The following MAP4K5 variants were observed in gnomAD, a reference collection of about 807,000 sequenced individuals.
The protein encoded by MAP4K5 is mitogen-activated protein kinase kinase kinase kinase 5.
A neutral mutation model predicts 135.6 loss-of-function variants in MAP4K5; 82 were observed. The observed-to-expected ratio is 0.60, with a 90% CI of 0.51 to 0.73. MAP4K5 has a LOEUF of 0.73. Ranked by LOEUF, MAP4K5 falls within the 30% of genes least tolerant of loss-of-function variation. The probability of loss-of-function intolerance (pLI) is 0.00; values close to 1 mark genes in which losing one functional copy is unlikely to be tolerated. For synonymous variants in MAP4K5, 347 were observed against 335.0 expected, an observed-to-expected ratio of 1.04 and a Z score of -0.39; for missense variants, 907 against 1,010.9, an observed-to-expected ratio of 0.90 and a Z score of 1.39.
chr14:50,504,969 A>G, intron 2 of MAP4K5, 112 bp from the exon 3 acceptor site: 1 of 607,636 alleles, frequency 1.6e-6, no homozygotes, highest in South Asian at 2.5e-5. Flanking sequence ...CAAAACTAAA[A>G]AACAAAATAT....
intron 2 of MAP4K5, among the ~76,000 whole-genome samples, chr14:50,516,375 A>C (rs1371711378): frequency 6.6e-6 from 1 of 152,202 alleles, no homozygotes; most frequent in Non-Finnish European, 1.5e-5. Context: ...CTTGCTATGG[A>C]AAACCAATCT....
At chr14:50,515,215 C>A (rs977994450) in intron 2 of MAP4K5, among the ~76,000 whole-genome samples, 1 of 152,058 alleles carries the variant, frequency 6.6e-6, no homozygotes, top group African/African-American at 2.4e-5. Context: ...CATCCTTATT[C>A]TTTTAAGATT....
chr14:50,481,480 T>C (rs1263265896), intron 6 of MAP4K5, among the ~76,000 whole-genome samples: 1 of 152,032 alleles, frequency 6.6e-6, no homozygotes, highest in East Asian at 1.9e-4. Context: ...GAGTATCAAT[T>C]TCTTTCTAAA....
chr14:50,444,104 C>T, intron 18 of MAP4K5, 68 bp from the exon 19 acceptor site: 1 of 1,033,536 alleles, frequency 9.7e-7, no homozygotes, highest in Admixed American at 2.0e-5. Flanking sequence ...AATTATTTCC[C>T]CTTTCTCCCA....
intron 9 of MAP4K5, among the ~76,000 whole-genome samples, chr14:50,470,458 T>C (rs1307383525): frequency 1.3e-5 from 2 of 152,134 alleles, no homozygotes; most frequent in Admixed American, 1.3e-4. Flanking sequence ...ACAAAGGCAA[T>C]CCTATAGGTT....
chr14:50,471,214 T>TA (rs748357115), intron 9 of MAP4K5, among the ~76,000 whole-genome samples: 3 of 152,168 alleles, frequency 2.0e-5, no homozygotes, highest in Non-Finnish European at 4.4e-5. Context: ...CACTGCCAAA[T>TA]ATTTAGTGAT....
In MAP4K5 at chr14:50,456,579, G is replaced by A. The variant is rs763166605; in HGVS notation, c.952C>T (p.Arg318Cys). 10 of 1,572,394 alleles carry A rather than the reference G, an allele frequency of 6.4e-6. No homozygotes were observed. The highest frequency in any genetic ancestry group is 1.7e-4 in the Middle Eastern group (1 of 6,008). Residue 318 changes from arginine to cysteine, a missense_variant, in exon 14 of 33, where the codon CGT (arginine) becomes TGT (cysteine). By Grantham distance (180) the Arg-to-Cys change is radical. Coordinates refer to ENST00000682126, the MANE Select transcript of MAP4K5 (RefSeq NM_006575.6). ...DDDFEPHAII[R>C]HTIRSTNRNA... ...CTGTTTGTAGATCTAATGGTATGAC[G>A]AATGATTGCATGGGGCTGTGAATAT...
At chr14:50,459,262 T>C (rs1033753208) in intron 13 of MAP4K5, among the ~76,000 whole-genome samples, 1 of 152,210 alleles carries the variant, frequency 6.6e-6, no homozygotes, top group African/African-American at 2.4e-5. Context: ...GATTTTACCA[T>C]AGTGTTCCTA....
chr14:50,530,548 A>C (rs2038364170), intron 2 of MAP4K5, among the ~76,000 whole-genome samples: 1 of 152,244 alleles, frequency 6.6e-6, no homozygotes, highest in Non-Finnish European at 1.5e-5. Context: ...GAAAGGAAAT[A>C]GGAATTTCAA....
intron 1 of MAP4K5, among the ~76,000 whole-genome samples, chr14:50,560,730 C>G (rs985838890): frequency 1.3e-5 from 2 of 152,214 alleles, no homozygotes; most frequent in African/African-American, 4.8e-5. Flanking sequence ...CCCCAACCCC[C>G]CTCCCCGGGA....
At chr14:50,444,629 T>C (rs566370620) in intron 18 of MAP4K5, among the ~76,000 whole-genome samples, 8 of 152,138 alleles carry the variant, frequency 5.3e-5, no homozygotes, top group Non-Finnish European at 8.8e-5. Flanking sequence ...TTATTCCCCA[T>C]CTTTATCTCC....
At chr14:50,445,760 G>C (rs990443802) in intron 17 of MAP4K5, among the ~76,000 whole-genome samples, 3 of 152,018 alleles carry the variant, frequency 2.0e-5, no homozygotes, top group Non-Finnish European at 2.9e-5. Context: ...AGTAGAGAGG[G>C]TTTCACCACT....
At chr14:50,527,385 G>A (rs2038289698) in intron 2 of MAP4K5, among the ~76,000 whole-genome samples, 2 of 150,950 alleles carry the variant, frequency 1.3e-5, no homozygotes, top group African/African-American at 2.5e-5. Flanking sequence ...ACTCTAGCCT[G>A]GGCAAAAGAG....
intron 9 of MAP4K5, among the ~76,000 whole-genome samples, chr14:50,473,716 C>CTTTTTTTTT (rs398077753): frequency 1.2e-4 from 11 of 95,468 alleles, no homozygotes; most frequent in African/African-American, 3.3e-4. Context: ...TTTGGTTTCA[C>CTTTTTTTTT]TTTTTTTTTT....
intron 14 of MAP4K5, among the ~76,000 whole-genome samples, chr14:50,450,835 G>C (rs2036467577): frequency 6.6e-6 from 1 of 152,106 alleles, no homozygotes; most frequent in Non-Finnish European, 1.5e-5. Flanking sequence ...TTTAAAGAAA[G>C]AGGATAAAAT....
chr14:50,484,307 A>G (rs2037316728), intron 5 of MAP4K5, among the ~76,000 whole-genome samples: 1 of 152,246 alleles, frequency 6.6e-6, no homozygotes, highest in South Asian at 2.1e-4. Context: ...GACATCAGTC[A>G]GAATTTTTGT....
At chr14:50,490,080 T>C (rs2037448447) in intron 3 of MAP4K5, among the ~76,000 whole-genome samples, 1 of 150,074 alleles carries the variant, frequency 6.7e-6, no homozygotes, top group Non-Finnish European at 1.5e-5. Flanking sequence ...TGGGTGTGTG[T>C]GTGTGTGTGA....
chr14:50,461,912 C>T (rs1263372694), intron 13 of MAP4K5, among the ~76,000 whole-genome samples: 1 of 147,118 alleles, frequency 6.8e-6, no homozygotes, highest in Non-Finnish European at 1.5e-5. Context: ...AGCGAGACTC[C>T]ATCTCAAAAA....
chr14:50,528,022 T>A (rs1048884224), intron 2 of MAP4K5, among the ~76,000 whole-genome samples: 2 of 152,106 alleles, frequency 1.3e-5, no homozygotes, highest in East Asian at 3.9e-4. Context: ...TAGTTGAGAA[T>A]CTAAATCTCC....
Sources: allele counts gnomAD v4.1 joint callset (sites outside exome capture counted in the v4.1 genomes callset), GRCh38; gene constraint gnomAD v4.1.1; transcripts MANE v1.5; gene names NCBI Gene and HGNC (gene_info 2026-07-23, HGNC 2026-07-21).